SLC14A2: variants seen among roughly 807,000 people sequenced by gnomAD.
SLC14A2 encodes solute carrier family 14 member 2, also known as urea transporter 2.
SLC14A2 carries 91 observed loss-of-function variants against 104.6 expected under a neutral mutation model. The ratio of observed to expected loss-of-function variants is 0.87; its 90% CI spans 0.73 to 1.04. The LOEUF is 1.04. Among genes scored for constraint, SLC14A2 ranks in the 50% least tolerant of loss-of-function variants. The probability of loss-of-function intolerance (pLI) is 0.00; values close to 1 mark genes in which losing one functional copy is unlikely to be tolerated. For missense variants in SLC14A2, 1,189 were observed against 1,156.0 expected (o/e 1.03, Z -0.41); for synonymous variants, 476 against 466.4 (o/e 1.02, Z -0.27).
chr18:45,174,277 A>C, the SLC14A2 span, among the ~76,000 whole-genome samples: 1 of 152,102 alleles, frequency 6.6e-6, no homozygotes, highest in Admixed American at 6.5e-5. Context: ...CCCAGTGATG[A>C]CAGAGTCCTG....
At chr18:45,381,756 G>A (rs2085838138) in intron 1 of SLC14A2, among the ~76,000 whole-genome samples, 1 of 152,162 alleles carries the variant, frequency 6.6e-6, no homozygotes, top group Non-Finnish European at 1.5e-5. Flanking sequence ...ACAGGGTGGT[G>A]AGTGGCACCA....
chr18:45,338,748 C>T (rs943721050), intron 1 of SLC14A2, among the ~76,000 whole-genome samples: 3 of 148,804 alleles, frequency 2.0e-5, no homozygotes, highest in Non-Finnish European at 4.4e-5. Context: ...GTCAACAACC[C>T]TGTCAGCAAC....
rs1416206814 is a variant in SLC14A2 at position 45,603,834 on chromosome 18, A to C, written c.-34-20797A>C. On this transcript the variant is annotated intron_variant, in intron 2 of 20. Transcript: ENST00000586448. The stretch of plus-strand genomic sequence containing the variant: ...AAGTGGTCTGTGCTTACCCCAAAGG[A>C]GTGAGTCACTAATGGCATAATTTCA... 2.6e-5 allele frequency among the ~76,000 whole-genome samples: 4 copies of C among 152,346 alleles called. No homozygotes were observed. The East Asian group carries it at 7.7e-4, about 29-fold the overall frequency.
chr18:45,471,786 A>T (rs944166824), intron 1 of SLC14A2, among the ~76,000 whole-genome samples: 1 of 150,554 alleles, frequency 6.6e-6, no homozygotes, highest in African/African-American at 2.4e-5. Flanking sequence ...TTGCTCTTTC[A>T]GTTGTCTGGA....
intron 1 of SLC14A2, among the ~76,000 whole-genome samples, chr18:45,214,949 A>T (rs1454821084): frequency 6.6e-6 from 1 of 151,184 alleles, no homozygotes; most frequent in Non-Finnish European, 1.5e-5. Context: ...AAGAAATAAA[A>T]GAAAAAAAAG....
chr18:45,668,278 C>A, intron 14 of SLC14A2, 71 bp from the exon 15 acceptor site: 2 of 1,579,856 alleles, frequency 1.3e-6, no homozygotes, highest in South Asian at 1.2e-5. Flanking sequence ...TAAAAAGAAT[C>A]TGACTCAATA....
chr18:45,664,741 G>A (rs556476764), intron 11 of SLC14A2, among the ~76,000 whole-genome samples: 18 of 152,316 alleles, frequency 1.2e-4, no homozygotes, highest in African/African-American at 3.8e-4. Context: ...CCAGAGAAAT[G>A]GACTTTGAGT....
intron 2 of SLC14A2, among the ~76,000 whole-genome samples, chr18:45,510,036 C>A (rs990105341): frequency 6.6e-5 from 10 of 152,196 alleles, no homozygotes; most frequent in Admixed American, 5.2e-4. Context: ...ACATTTCTCC[C>A]TCACCTCCTC....
At chr18:45,284,857 G>A (rs1388073530) in intron 1 of SLC14A2, among the ~76,000 whole-genome samples, 2 of 152,194 alleles carry the variant, frequency 1.3e-5, no homozygotes, top group Non-Finnish European at 2.9e-5. Context: ...GGAAGAGACA[G>A]AGGGAAAGGG....
intron 1 of SLC14A2, among the ~76,000 whole-genome samples, chr18:45,416,051 T>C (rs1345847350): frequency 6.6e-6 from 1 of 152,166 alleles, no homozygotes; most frequent in Non-Finnish European, 1.5e-5. Context: ...ATGACCTATA[T>C]TCTCTACCAT....
At chr18:45,652,682 C>G (rs1376425336) in intron 10 of SLC14A2, among the ~76,000 whole-genome samples, 1 of 152,190 alleles carries the variant, frequency 6.6e-6, no homozygotes, top group African/African-American at 2.4e-5. Context: ...TTCAATTGAG[C>G]CTTCAAATAA....
chr18:45,423,066 A>G (rs2086371022), intron 1 of SLC14A2, among the ~76,000 whole-genome samples: 1 of 151,984 alleles, frequency 6.6e-6, no homozygotes, highest in South Asian at 2.1e-4. Context: ...ATATCTTATC[A>G]CTTTGCCATT....
Position 45,663,853 on chromosome 18 carries a change from A to G in SLC14A2, c.1420A>G (p.Lys474Glu). Residue 474 changes from lysine (K) to glutamate (E), a missense_variant, in exon 11 of 20, where the codon AAG (lysine) becomes GAG (glutamate). By Grantham distance (56) the Lys-to-Glu change is moderately conservative. Coordinates refer to ENST00000255226, the MANE Select transcript of SLC14A2 (RefSeq NM_007163.4). ...GGAGGGCTCGGAGGCTGTGCTCTCC[A>G]AGCACAGGAGTGTATTTCACATCGA... The part of the protein sequence containing the change: ...VEEGSEAVLS[K>E]HRSVFHIEWS... 1 of 1,612,550 alleles carries G rather than the reference A, an allele frequency of 6.2e-7. No homozygotes were observed. Among genetic ancestry groups the G allele is most frequent in the Non-Finnish European group, 8.5e-7 (1 of 1,179,042 alleles).
intron 2 of SLC14A2, among the ~76,000 whole-genome samples, chr18:45,508,357 C>T (rs1212526765): frequency 1.3e-5 from 2 of 152,184 alleles, no homozygotes; most frequent in South Asian, 2.1e-4. Context: ...ATCATGAGAG[C>T]AGGTCTTTCC....
At chr18:45,468,194 G>T (rs1318762469) in intron 1 of SLC14A2, among the ~76,000 whole-genome samples, 2 of 152,104 alleles carry the variant, frequency 1.3e-5, no homozygotes, top group African/African-American at 2.4e-5. Flanking sequence ...AAGCCAGAAT[G>T]GTTCTCCAGG....
At chr18:45,429,846 G>T (rs1002819660) in intron 1 of SLC14A2, among the ~76,000 whole-genome samples, 1 of 152,102 alleles carries the variant, frequency 6.6e-6, no homozygotes, top group Non-Finnish European at 1.5e-5. Context: ...ATCCAGTAAA[G>T]GTCTGTAGTT....
In SLC14A2 at chr18:45,247,495, A is replaced by T. The variant is rs140978166; in HGVS notation, c.-125+34304A>T. Among the ~76,000 whole-genome samples the T allele has an allele frequency of 2.8e-4, 43 of 152,164 alleles. No homozygotes were observed. In the East Asian group the frequency reaches 7.5e-3, roughly 27 times the overall value. Reference sequence around the variant, plus strand: ...ATTCAGATTTAGATGTGGGAGAGAGATTTGTTTTACAAGCATTTGTTGATT... The same window carrying T: ...ATTCAGATTTAGATGTGGGAGAGAGTTTTGTTTTACAAGCATTTGTTGATT... On this transcript the variant is annotated intron_variant, in intron 1 of 20. Transcript: ENST00000586448.
chr18:45,636,870 G>A, intron 5 of SLC14A2, 120 bp from the exon 6 acceptor site: 2 of 694,008 alleles, frequency 2.9e-6, no homozygotes, highest in Non-Finnish European at 5.0e-6. Context: ...GAGTCTCAAG[G>A]GGGCCAGGAA....
At chr18:45,592,155 G>A (rs1215165048) in intron 2 of SLC14A2, among the ~76,000 whole-genome samples, 1 of 152,204 alleles carries the variant, frequency 6.6e-6, no homozygotes, top group Non-Finnish European at 1.5e-5. Context: ...CCCAGCGATA[G>A]CAGTTTCCAC....
Sources: gnomAD v4.1 joint callset for allele counts (sites outside exome capture counted in the v4.1 genomes callset) on GRCh38, gnomAD v4.1.1 for gene constraint, MANE v1.5 for transcripts, NCBI Gene and HGNC (gene_info 2026-07-23, HGNC 2026-07-21) for gene names.